SBF2: variants seen among roughly 807,000 people sequenced by gnomAD.
SBF2 encodes the protein myotubularin-related protein 13.
Under a neutral mutation model 225.2 loss-of-function variants are expected in SBF2, and 112 were observed. The ratio of observed to expected loss-of-function variants is 0.50; its 90% confidence interval spans 0.43 to 0.58. SBF2 has a LOEUF of 0.58. Ranked by LOEUF, SBF2 falls within the 20% of genes least tolerant of loss-of-function variation. The probability of loss-of-function intolerance (pLI) is 0.00; values close to 1 mark genes in which losing one functional copy is unlikely to be tolerated. For synonymous variants in SBF2, 763 were observed against 773.3 expected (o/e 0.99, Z 0.22); for missense variants, 1,996 against 2,206.2 (o/e 0.90, Z 1.91).
intron 1 of SBF2, among the ~76,000 whole-genome samples, chr11:10,252,879 G>T (rs115454163): frequency 0.022 from 3,287 of 151,506 alleles, 94 homozygotes; most frequent in African/African-American, 0.065. Context: ...AACCAATCCA[G>T]CAGTTCTGTA....
At chr11:9,781,299 T>C (rs1851989167) in intron 39 of SBF2, among the ~76,000 whole-genome samples, 2 of 152,244 alleles carry the variant, frequency 1.3e-5, no homozygotes, top group Admixed American at 6.5e-5. Context: ...AAGCAATATG[T>C]AGCTTTTCTG....
At chr11:10,012,189 A>C (rs930046016) in intron 6 of SBF2, among the ~76,000 whole-genome samples, 2 of 152,224 alleles carry the variant, frequency 1.3e-5, no homozygotes, top group Non-Finnish European at 2.9e-5. Flanking sequence ...TCTGTTGCTC[A>C]GGCTGTAGTG....
rs1857455234 is a variant in SBF2, at chr11:9,858,158, G to A, written c.2100+68C>T. ...GTAGCTAGAGTTTTTTTTGCCCTGG[G>A]AACATCTGCTTTCCTTAAAGCCAGA... On this transcript the variant is annotated intron_variant, in intron 18 of 39. Coordinates refer to ENST00000256190, the MANE Select transcript of SBF2 (RefSeq NM_030962.4). The A allele has an allele frequency of 3.8e-6, 6 of 1,584,570 alleles. No individual in the cohort carries two copies. The East Asian group carries it at 1.3e-4, about 35-fold the overall frequency.
chr11:9,787,839 C>T (rs1444867741), intron 35 of SBF2, 101 bp from the exon 36 acceptor site: 1 of 987,100 alleles, frequency 1.0e-6, no homozygotes, highest in Non-Finnish European at 1.6e-6. Context: ...AGCAGCATGG[C>T]CAGAGGGCAG....
At chr11:9,794,775 T>G (rs1450300458) in intron 33 of SBF2, among the ~76,000 whole-genome samples, 1 of 149,438 alleles carries the variant, frequency 6.7e-6, no homozygotes, top group East Asian at 2.0e-4. Context: ...TGCAGATGCT[T>G]AAGAAATTAA....
At chr11:10,111,268 A>T (rs61878630) in intron 2 of SBF2, among the ~76,000 whole-genome samples, 27,888 of 152,034 alleles carry the variant, frequency 0.18, 2,691 homozygotes, top group East Asian at 0.28. Flanking sequence ...ACAGAAGAAA[A>T]TTTCCAGCCA....
chr11:9,972,834 C>G (rs918430143), intron 13 of SBF2, among the ~76,000 whole-genome samples: 1 of 152,118 alleles, frequency 6.6e-6, no homozygotes, highest in South Asian at 2.1e-4. Context: ...ATATTGTAAA[C>G]CAAATCCATA....
At chr11:9,937,581 A>G (rs1864976391) in intron 16 of SBF2, among the ~76,000 whole-genome samples, 2 of 152,188 alleles carry the variant, frequency 1.3e-5, no homozygotes, top group Admixed American at 1.3e-4. Context: ...TTTTTATCAG[A>G]TTTTTATTTA....
intron 16 of SBF2, chr11:9,959,170 C>A: frequency 1.2e-6 from 1 of 823,790 alleles, no homozygotes; most frequent in Non-Finnish European, 2.2e-6. Flanking sequence ...ATCTTCCATG[C>A]TGATTCCTTC....
intron 1 of SBF2, among the ~76,000 whole-genome samples, chr11:10,243,101 A>T (rs937501260): frequency 2.0e-5 from 3 of 152,192 alleles, no homozygotes; most frequent in African/African-American, 7.2e-5. Flanking sequence ...AAGTCCTAAC[A>T]AATATAAGAA....
At chr11:9,979,244 A>G (rs1025762837) in intron 13 of SBF2, among the ~76,000 whole-genome samples, 17 of 152,190 alleles carry the variant, frequency 1.1e-4, no homozygotes, top group African/African-American at 3.6e-4. Flanking sequence ...AATTGTATGT[A>G]AAGTGCTTAA....
At chr11:10,270,986 CTCTG>C (rs1248327067) in intron 1 of SBF2, among the ~76,000 whole-genome samples, 1 of 98,738 alleles carries the variant, frequency 1.0e-5, no homozygotes, top group Non-Finnish European at 1.8e-5. Flanking sequence ...CAGAGCAAGA[CTCTG>C]TCTCAAAAAA....
chr11:9,905,655 G>C (rs1862062562), intron 16 of SBF2, among the ~76,000 whole-genome samples: 1 of 152,048 alleles, frequency 6.6e-6, no homozygotes, highest in Non-Finnish European at 1.5e-5. Context: ...GTCTCTGTGG[G>C]GACCTTTGTT....
At chr11:10,132,189 T>C (rs1330237049) in intron 2 of SBF2, among the ~76,000 whole-genome samples, 2 of 152,328 alleles carry the variant, frequency 1.3e-5, no homozygotes, top group African/African-American at 2.4e-5. Flanking sequence ...AGGCTATTTC[T>C]GGGTTTGCTG....
chr11:9,790,561 T>C lies in SBF2; in HGVS notation c.4693A>G (p.Ile1565Val), dbSNP rs115345208. Residue 1565 changes from isoleucine (I) to valine (V), a missense_variant, in exon 34 of 40, where the codon ATA (isoleucine) becomes GTA (valine). By Grantham distance (29) the Ile-to-Val change is conservative. Coordinates refer to ENST00000256190, the MANE Select transcript of SBF2 (RefSeq NM_030962.4). ...FFNYLYSPLE[I>V]EALKPNVNVS... Reference sequence around the variant, plus strand: ...TAAATGATTTCTTACTCTACCTCTATTTCCAATGGTGAATATAAATAATTA... The same window carrying C: ...TAAATGATTTCTTACTCTACCTCTACTTCCAATGGTGAATATAAATAATTA... 4.8e-4 allele frequency: 760 copies of C among 1,583,982 alleles called. 4 individuals are homozygous for C. In the African/African-American group the frequency reaches 8.7e-3, roughly 18 times the overall value.
At chr11:9,989,023 T>C (rs756563354) in intron 13 of SBF2, among the ~76,000 whole-genome samples, 14 of 151,640 alleles carry the variant, frequency 9.2e-5, no homozygotes, top group Non-Finnish European at 1.8e-4. Context: ...AATGAGTGGA[T>C]AAAGAAACTG....
chr11:10,194,695 G>A (rs916938763), intron 1 of SBF2, among the ~76,000 whole-genome samples: 5 of 152,152 alleles, frequency 3.3e-5, no homozygotes, highest in African/African-American at 1.2e-4. Flanking sequence ...ACTTTTAGTA[G>A]AGATGGGGTT....
chr11:10,158,848 T>C (rs894054609), intron 2 of SBF2, among the ~76,000 whole-genome samples: 1 of 152,210 alleles, frequency 6.6e-6, no homozygotes, highest in African/African-American at 2.4e-5. Context: ...GTTCAATATA[T>C]GCAAATCCAT....
chr11:9,974,856 A>T (rs1027707133), intron 13 of SBF2, among the ~76,000 whole-genome samples: 3 of 145,768 alleles, frequency 2.1e-5, no homozygotes, highest in Non-Finnish European at 4.5e-5. Flanking sequence ...GCTACTTGGG[A>T]GGCTGAGGCA....
Sources: gnomAD v4.1 joint callset for allele counts (sites outside exome capture counted in the v4.1 genomes callset) on GRCh38, gnomAD v4.1.1 for gene constraint, MANE v1.5 for transcripts, NCBI Gene and HGNC (gene_info 2026-07-23, HGNC 2026-07-21) for gene names.